Variants in GCLM observed in about 807,000 individuals in gnomAD.
GCLM encodes the protein glutamate-cysteine ligase modifier subunit.
A neutral mutation model predicts 36.0 loss-of-function variants in GCLM; 15 were observed. The ratio of observed to expected loss-of-function variants is 0.42; its 90% CI spans 0.28 to 0.64. The LOEUF (loss-of-function observed/expected upper bound fraction) is 0.64, where lower values mean the gene tolerates loss of function less well. Ranked by LOEUF, GCLM falls within the 30% of genes least tolerant of loss-of-function variation. The probability of loss-of-function intolerance (pLI) is 0.25; values close to 1 mark genes in which losing one functional copy is unlikely to be tolerated. For missense variants in GCLM, 242 were observed against 325.5 expected, an observed-to-expected ratio of 0.74 and a Z score of 1.97; for synonymous variants, 129 against 122.8, an observed-to-expected ratio of 1.05 and a Z score of -0.34.
intron 6 of GCLM, among the ~76,000 whole-genome samples, chr1:93,892,461 T>G (rs2100907863): frequency 6.6e-6 from 1 of 152,308 alleles, no homozygotes; most frequent in Admixed American, 6.5e-5. Flanking sequence ...TTTAACTGCT[T>G]TTAAAATTTA....
intron 6 of GCLM, among the ~76,000 whole-genome samples, chr1:93,891,035 G>T (rs1230594226): frequency 6.6e-6 from 1 of 151,708 alleles, no homozygotes; most frequent in African/African-American, 2.4e-5. Flanking sequence ...CGTCACCAAG[G>T]CCAGCTAATT....
At chr1:93,905,258 C>T (rs562995975) in intron 1 of GCLM, among the ~76,000 whole-genome samples, 1 of 151,538 alleles carries the variant, frequency 6.6e-6, no homozygotes, top group African/African-American at 2.4e-5. Flanking sequence ...CCCAGGCTGT[C>T]TGACTAGAAT....
chr1:93,886,958 A>G lies in GCLM; in HGVS notation c.*2032T>C, dbSNP rs1295711224. The G allele has an allele frequency of 6.6e-6, 1 of 151,566 alleles. No individual in the cohort carries two copies. The highest frequency in any genetic ancestry group is 1.5e-5 in the Non-Finnish European group (1 of 67,960). 9.4% of individuals were successfully genotyped at this position (151,566 alleles called of 1,614,324 possible). On this transcript the variant is annotated 3_prime_UTR_variant, in exon 7 of 7. Transcript: ENST00000370238. ...GCATAAGTAGCTCAATATCTAAACA[A>G]GTTTTCCCAGGCAAATCACATGATT...
chr1:93,886,922 A>T lies in GCLM; in HGVS notation c.*2068T>A, dbSNP rs1202483805. ...AATAACATTACATACAATTAATATA[A>T]AGGCTAGAAGGCATAAGTAGCTCAA... On this transcript the variant is annotated 3_prime_UTR_variant, in exon 7 of 7. Transcript: ENST00000370238. 1 of 152,118 alleles carries T rather than the reference A, an allele frequency of 6.6e-6. No homozygotes were observed. The highest frequency in any genetic ancestry group is 1.5e-5 in the Non-Finnish European group (1 of 68,026). 9.4% of individuals were successfully genotyped at this position (152,118 alleles called of 1,614,324 possible). A position where few individuals can be genotyped will look rare whatever the true frequency, so the allele number is the denominator to read the frequency against.
intron 1 of GCLM, among the ~76,000 whole-genome samples, chr1:93,907,271 G>GT (rs937645961): frequency 6.1e-4 from 93 of 152,106 alleles, no homozygotes; most frequent in African/African-American, 2.2e-3. Flanking sequence ...AGTTTCTTTA[G>GT]TTTTATCCTA....
Position 93,904,559 on chromosome 1 carries a change from A to T in GCLM, c.156T>A (p.Asn52Lys). The change falls in exon 2 of 7, where the codon AAT becomes AAA. Residue 52 changes from asparagine (N) to lysine (K), a missense_variant. Coordinates refer to ENST00000370238, the MANE Select transcript of GCLM (RefSeq NM_002061.4). ...ELHDCIQKTL[N>K]EWSSQINPDL... ...CTGGGTTGATTTGGGAACTCCATTC[A>T]TTCAAGGTTTTTTGGATACAATCAT... The T allele has an allele frequency of 6.2e-7, 1 of 1,612,330 alleles. No individual in the cohort carries two copies. Among genetic ancestry groups the T allele is most frequent in the Non-Finnish European group, 8.5e-7 (1 of 1,178,468 alleles).
intron 5 of GCLM, 22 bp downstream of exon 5, chr1:93,896,596 T>C (rs1656743083): frequency 6.3e-7 from 1 of 1,592,990 alleles, no homozygotes. Flanking sequence ...CCTGGAGTGC[T>C]CATGATCCTG....
intron 3 of GCLM, 70 bp from the exon 4 acceptor site, chr1:93,897,968 A>G: frequency 1.5e-6 from 1 of 678,988 alleles, no homozygotes; most frequent in South Asian, 2.3e-5. Context: ...TAGTATTAAC[A>G]CTACTATAAT....
intron 3 of GCLM, among the ~76,000 whole-genome samples, chr1:93,900,457 A>G (rs112756356): frequency 1.6e-4 from 24 of 152,310 alleles, no homozygotes; most frequent in African/African-American, 5.5e-4. Flanking sequence ...CAACACAAAC[A>G]GCAATGTGAA....
At chr1:93,889,470 GAA>G (rs17879718) in intron 6 of GCLM, among the ~76,000 whole-genome samples, 6,628 of 151,718 alleles carry the variant, frequency 0.044, 485 homozygotes, top group African/African-American at 0.15. Flanking sequence ...GAAAATACAG[GAA>G]AGTCTAAAGA....
At chr1:93,903,001 CTA>C (rs963215521) in intron 2 of GCLM, among the ~76,000 whole-genome samples, 28 of 152,238 alleles carry the variant, frequency 1.8e-4, no homozygotes, top group African/African-American at 5.5e-4. Flanking sequence ...CAAGTTTCCT[CTA>C]TGTCTTTTCA....
At chr1:93,902,378 C>CGTG (rs1656986789) in intron 2 of GCLM, among the ~76,000 whole-genome samples, 4 of 151,640 alleles carry the variant, frequency 2.6e-5, no homozygotes, top group Admixed American at 1.3e-4. Context: ...CAGGGTTTCA[C>CGTG]CGTGTTAGCC....
chr1:93,903,926 C>G (rs928065889), intron 2 of GCLM, among the ~76,000 whole-genome samples: 46 of 152,134 alleles, frequency 3.0e-4, no homozygotes, highest in African/African-American at 1.0e-3. Context: ...AACCATAACT[C>G]AATGTCTATA....
chr1:93,909,092 G>A lies in GCLM; in HGVS notation c.72C>T (p.Asn24=). The change falls in exon 1 of 7, where the codon AAC becomes AAT. Residue 24 remains asparagine (N), a synonymous_variant. Coordinates refer to ENST00000370238, the MANE Select transcript of GCLM (RefSeq NM_002061.4). ...RARTLHLQTG[N]LLNWGRLRKK... ...TCCGCAGGCGGCCCCAGTTCAGCAG[G>A]TTCCCCGTCTGCAGGTGCAGGGTGC... 1.1e-5 allele frequency: 16 copies of A among 1,473,242 alleles called. No individual in the cohort carries two copies. Among genetic ancestry groups the A allele is most frequent in the Non-Finnish European group, 1.4e-5 (16 of 1,117,450 alleles). 91.3% of individuals were successfully genotyped at this position (1,473,242 alleles called of 1,614,324 possible). A position where few individuals can be genotyped will look rare whatever the true frequency, so the allele number is the denominator to read the frequency against.
Position 93,897,888 on chromosome 1 carries a change from G to C in GCLM, c.288C>G (p.Phe96Leu). Residue 96 changes from phenylalanine to leucine, a missense_variant, in exon 4 of 7, where the codon TTC becomes TTG. By Grantham distance (22) the Phe-to-Leu change is conservative (BLOSUM62 0). Coordinates refer to ENST00000370238, the MANE Select transcript of GCLM (RefSeq NM_002061.4). ...ATGATGAAGAGTTTGATTCTACAAT[G>C]AACAGTTTTGCTGGGTAACAAAGAA... ...REEMKVSAKL[F>L]IVESNSSSST... The C allele has an allele frequency of 6.5e-7, 1 of 1,545,884 alleles. No individual in the cohort carries two copies. Among genetic ancestry groups the C allele is most frequent in the East Asian group, 2.4e-5 (1 of 41,628 alleles).
In GCLM at chr1:93,889,098, C is replaced by A; in HGVS notation, c.717G>T (p.Ala239=). The stretch of plus-strand genomic sequence containing the variant: ...GTAGCCACAGCGGCACCCACTCGTG[C>A]GCTTGAATGTCAGGAATGCTTTCCT... ...ALQESIPDIQ[A]HEWVPLWLLR... The change falls in exon 7 of 7, where the codon GCG becomes GCT. Residue 239 remains alanine, a synonymous_variant. Transcript: ENST00000370238. The A allele has an allele frequency of 6.2e-7, 1 of 1,601,740 alleles. No individual in the cohort carries two copies. The highest frequency in any genetic ancestry group is 8.5e-7 in the Non-Finnish European group (1 of 1,174,106).
intron 1 of GCLM, chr1:93,908,809 CAG>C: frequency 2.9e-6 from 1 of 341,944 alleles, no homozygotes; most frequent in Non-Finnish European, 5.3e-6. Context: ...AGGTGTCACT[CAG>C]TGCGCAGCTG....
rs1656596605 is a variant in GCLM, at chr1:93,893,203, G to A, written c.655+1411C>T. Among the ~76,000 whole-genome samples the A allele has an allele frequency of 2.0e-5, 3 of 152,128 alleles. No individual in the cohort carries two copies. The South Asian group carries it at 6.2e-4, about 32-fold the overall frequency. ...AAGACTTAGGCCAAGTTCAAACTTTGCCCAAAGCCAGCTGGGTGACCTTGG... is the reference window on the plus strand; with the variant it reads ...AAGACTTAGGCCAAGTTCAAACTTTACCCAAAGCCAGCTGGGTGACCTTGG... On this transcript the variant is annotated intron_variant, in intron 6 of 6. Coordinates refer to ENST00000370238, the MANE Select transcript of GCLM (RefSeq NM_002061.4).
intron 5 of GCLM, among the ~76,000 whole-genome samples, chr1:93,896,243 G>A (rs1167256858): frequency 6.6e-6 from 1 of 152,024 alleles, no homozygotes; most frequent in Admixed American, 6.6e-5. Context: ...TTACAGATGT[G>A]AGCCACCACA....
Sources: allele counts gnomAD v4.1 joint callset (sites outside exome capture counted in the v4.1 genomes callset), GRCh38; gene constraint gnomAD v4.1.1; transcripts MANE v1.5; gene names NCBI Gene and HGNC (gene_info 2026-07-23, HGNC 2026-07-21).